Variants in FNTB observed in about 807,000 individuals in gnomAD.
The protein encoded by FNTB is farnesyltransferase, CAAX box, subunit beta.
In FNTB, 27 loss-of-function variants were observed where a neutral mutation model predicts 59.4. The observed-to-expected ratio is 0.45, with a 90% CI of 0.34 to 0.63. The LOEUF (loss-of-function observed/expected upper bound fraction) is 0.63. FNTB is among the 20% of genes least tolerant of loss of function. FNTB has a pLI of 0.02. For synonymous variants in FNTB, 230 were observed against 220.7 expected, an observed-to-expected ratio of 1.04 and a Z score of -0.37; for missense variants, 449 against 559.6, an observed-to-expected ratio of 0.80 and a Z score of 1.99.
chr14:65,016,985 C>T (rs1397029777), intron 4 of FNTB, among the ~76,000 whole-genome samples: 1 of 144,890 alleles, frequency 6.9e-6, no homozygotes, highest in African/African-American at 2.5e-5. Flanking sequence ...TGCAGTGGCA[C>T]AGTCTCAGCT....
chr14:65,059,370 C>T (rs1466625596), intron 11 of FNTB, among the ~76,000 whole-genome samples: 3 of 151,570 alleles, frequency 2.0e-5, no homozygotes, highest in African/African-American at 7.3e-5. Context: ...TTGTATAGAT[C>T]AGAGATTATC....
intron 2 of FNTB, chr14:65,006,290 G>A: frequency 1.2e-6 from 2 of 1,613,044 alleles, no homozygotes; most frequent in African/African-American, 2.7e-5. Flanking sequence ...GTTCCCTGGG[G>A]AAGGAAAGGA....
At chr14:65,018,444 T>G (rs2061821099) in intron 4 of FNTB, among the ~76,000 whole-genome samples, 1 of 152,168 alleles carries the variant, frequency 6.6e-6, no homozygotes, top group Non-Finnish European at 1.5e-5. Context: ...ATATAGATGA[T>G]GATATGCATA....
chr14:65,035,390 G>T (rs1364672856), intron 7 of FNTB, among the ~76,000 whole-genome samples: 6 of 151,986 alleles, frequency 3.9e-5, no homozygotes, highest in Non-Finnish European at 8.8e-5. Context: ...TTTGTATTTT[G>T]TTCAGTGTAC....
rs927674786 is a variant in FNTB at position 64,991,468 on chromosome 14, G to T, written c.144+4371G>T. Among the ~76,000 whole-genome samples the T allele has an allele frequency of 2.0e-5, 3 of 152,100 alleles. No homozygotes were observed. Among genetic ancestry groups the T allele is most frequent in the Admixed American group, 6.6e-5 (1 of 15,258 alleles). Reference sequence around the variant, plus strand: ...AAAATACAAAAATTAGCTAGGCGTGGTGGTGTGCACCTGTAATACCAGCTA... The same window carrying T: ...AAAATACAAAAATTAGCTAGGCGTGTTGGTGTGCACCTGTAATACCAGCTA... On this transcript the variant is annotated intron_variant, in intron 1 of 11. Coordinates refer to ENST00000246166, the MANE Select transcript of FNTB (RefSeq NM_002028.4). This position sits in a 1 kb window ranked among gnomAD's most constrained non-coding sequence, Gnocchi z 4.4.
At chr14:65,052,229 T>C (rs1416805776) in intron 9 of FNTB, among the ~76,000 whole-genome samples, 1 of 152,182 alleles carries the variant, frequency 6.6e-6, no homozygotes, top group Non-Finnish European at 1.5e-5. Flanking sequence ...GATTATGTAA[T>C]AGAATAGAAA....
chr14:65,026,872 A>C (rs1445149404), intron 4 of FNTB, among the ~76,000 whole-genome samples: 4 of 152,136 alleles, frequency 2.6e-5, no homozygotes, highest in East Asian at 3.9e-4. Context: ...AAAAAAAAAA[A>C]CAAAAAAACA....
chr14:64,993,585 T>C (rs1888284025), intron 1 of FNTB, among the ~76,000 whole-genome samples: 1 of 152,240 alleles, frequency 6.6e-6, no homozygotes, highest in Non-Finnish European at 1.5e-5. Context: ...TTATATTTCA[T>C]ATATTAAATG....
chr14:65,022,616 C>T (rs1011657162), intron 4 of FNTB, among the ~76,000 whole-genome samples: 1 of 151,996 alleles, frequency 6.6e-6, no homozygotes, highest in African/African-American at 2.4e-5. Flanking sequence ...ATCCTCCTGC[C>T]TTGGCCTCCC....
At chr14:65,060,760 C>T (rs192955214) in intron 11 of FNTB, among the ~76,000 whole-genome samples, 14 of 147,038 alleles carry the variant, frequency 9.5e-5, no homozygotes, top group African/African-American at 2.8e-4. Flanking sequence ...GTAATCCCAG[C>T]TACTCAGGAG....
chr14:64,995,722 AT>A (rs1302035865), intron 1 of FNTB, among the ~76,000 whole-genome samples: 7 of 150,364 alleles, frequency 4.7e-5, no homozygotes, highest in Non-Finnish European at 1.5e-5. Flanking sequence ...ATATGTATAT[AT>A]TTTATATATA....
chr14:65,059,029 TTTTC>T (rs2062804385), intron 11 of FNTB, among the ~76,000 whole-genome samples: 1 of 152,154 alleles, frequency 6.6e-6, no homozygotes, highest in Admixed American at 6.5e-5. Context: ...TTTCTTTTTC[TTTTC>T]TTTTTCAGAG....
intron 2 of FNTB, among the ~76,000 whole-genome samples, chr14:65,005,001 G>C (rs568020261): frequency 6.6e-6 from 1 of 152,174 alleles, no homozygotes; most frequent in Admixed American, 6.5e-5. Context: ...GAAACATTTA[G>C]AGTCCAGGGA....
chr14:65,044,546 T>C lies in FNTB; in HGVS notation c.955+103T>C. 1 of 1,472,860 alleles carries C rather than the reference T, an allele frequency of 6.8e-7. No individual in the cohort carries two copies. Among genetic ancestry groups the C allele is most frequent in the Non-Finnish European group, 9.0e-7 (1 of 1,106,446 alleles). 91.2% of individuals were successfully genotyped at this position (1,472,860 alleles called of 1,614,324 possible). A position where few individuals can be genotyped will look rare whatever the true frequency, so the allele number is the denominator to read the frequency against. ...TTTTTAGAGGGGTTGAAATGAGCTC[T>C]GTCTATCCTGGATTTTGAGTGCCCA... On this transcript the variant is annotated intron_variant, in intron 9 of 11. Coordinates refer to ENST00000246166, the MANE Select transcript of FNTB (RefSeq NM_002028.4). This position sits in a 1 kb window ranked among gnomAD's most constrained non-coding sequence, Gnocchi z 5.5.
At position 65,054,207 on chromosome 14, in the gene FNTB, G is replaced by A. The variant is rs2062677276; in HGVS notation, c.1068-368G>A. Among the ~76,000 whole-genome samples, 1 of 151,928 alleles carries A rather than the reference G, an allele frequency of 6.6e-6. No homozygotes were observed. The highest frequency in any genetic ancestry group is 2.1e-4 in the South Asian group (1 of 4,814). ...GACTCACTGCAGCCTTCACCTCTTG[G>A]GCTCGAGTGATCCTCCTGCTTCAGC... On this transcript the variant is annotated intron_variant, in intron 10 of 11. Transcript: ENST00000246166. This position sits in a 1 kb window ranked among gnomAD's most constrained non-coding sequence, Gnocchi z 4.4.
At position 64,991,535 on chromosome 14, in the gene FNTB, C is replaced by T. The variant is rs576465505; in HGVS notation, c.144+4438C>T. On this transcript the variant is annotated intron_variant, in intron 1 of 11. Coordinates refer to ENST00000246166, the MANE Select transcript of FNTB (RefSeq NM_002028.4). The surrounding 1 kb of genome is among the most constrained non-coding windows in gnomAD (Gnocchi z 4.4). ...AGGTGAATCTCTTTAACCTGGGAGG[C>T]GGAGGTTGCAGTGAGCCGAGATTGC... Among the ~76,000 whole-genome samples, 2 of 152,080 alleles carry T rather than the reference C, an allele frequency of 1.3e-5. No individual in the cohort carries two copies. Among genetic ancestry groups the T allele is most frequent in the Admixed American group, 6.5e-5 (1 of 15,282 alleles).
intron 1 of FNTB, among the ~76,000 whole-genome samples, chr14:64,995,773 ATGTATG>A (rs1206583102): frequency 8.4e-6 from 1 of 119,746 alleles, no homozygotes; most frequent in East Asian, 3.9e-4. Flanking sequence ...ATATGTACGT[ATGTATG>A]TATGTATGTA....
rs898972632 is a variant in FNTB, at chr14:65,023,807, A to C, written c.375-3646A>C. On this transcript the variant is annotated intron_variant, in intron 4 of 11. Coordinates refer to ENST00000246166, the MANE Select transcript of FNTB (RefSeq NM_002028.4). This position sits in a 1 kb window ranked among gnomAD's most constrained non-coding sequence, Gnocchi z 4.1. ...GCTATCACCTGGGAACTTATTAGAA[A>C]TGAGGACTCTCAGCCGGGCATGGTG... 6.6e-5 allele frequency among the ~76,000 whole-genome samples: 10 copies of C among 152,326 alleles called. No homozygotes were observed. The highest frequency in any genetic ancestry group is 1.5e-4 in the Non-Finnish European group (10 of 68,034).
chr14:65,057,535 T>G, intron 11 of FNTB, among the ~76,000 whole-genome samples: 1 of 152,192 alleles, frequency 6.6e-6, no homozygotes, highest in East Asian at 1.9e-4. Flanking sequence ...AGGATTAACT[T>G]AAGGAATCTC....
Sources: gnomAD v4.1 joint callset for allele counts (sites outside exome capture counted in the v4.1 genomes callset) on GRCh38, gnomAD v4.1.1 for gene constraint, Gnocchi (gnomAD v3.1) non-coding constraint, MANE v1.5 for transcripts, NCBI Gene and HGNC (gene_info 2026-07-23, HGNC 2026-07-21) for gene names.